KIAA0232: variants seen among roughly 807,000 people sequenced by gnomAD.
KIAA0232 encodes KIAA0232, also known as uncharacterized protein KIAA0232.
In KIAA0232, 27 loss-of-function variants were observed where a neutral mutation model predicts 122.0. The ratio of observed to expected loss-of-function variants is 0.22; its 90% CI spans 0.16 to 0.31. KIAA0232 has a LOEUF of 0.31. Ranked by LOEUF, KIAA0232 falls within the 10% of genes least tolerant of loss-of-function variation. The pLI is 1.00. For missense variants in KIAA0232, 1,551 were observed against 1,634.2 expected (o/e 0.95, Z 0.88); for synonymous variants, 613 against 587.6 (o/e 1.04, Z -0.63).
chr4:6,807,032 GTCTATCTATCTATCTATCTA>G (rs71173468), intron 2 of KIAA0232, among the ~76,000 whole-genome samples: 50 of 145,748 alleles, frequency 3.4e-4, no homozygotes, highest in Admixed American at 1.2e-3. Context: ...CTGTCTGTCT[GTCTATCTATCTATCTATCTA>G]TCTATCTATC....
At chr4:6,792,010 G>A (rs913015031) in intron 1 of KIAA0232, among the ~76,000 whole-genome samples, 4 of 152,202 alleles carry the variant, frequency 2.6e-5, no homozygotes, top group Middle Eastern at 3.4e-3. Context: ...CTCCTCTTTT[G>A]ACTGTCACCA....
intron 2 of KIAA0232, among the ~76,000 whole-genome samples, chr4:6,813,359 T>C (rs984571851): frequency 6.6e-6 from 1 of 151,798 alleles, no homozygotes; most frequent in Non-Finnish European, 1.5e-5. Context: ...CTGTTTTTTT[T>C]TTTTTGTTTT....
intron 3 of KIAA0232, among the ~76,000 whole-genome samples, chr4:6,828,672 A>G (rs1468851440): frequency 1.3e-5 from 2 of 152,194 alleles, no homozygotes; most frequent in Non-Finnish European, 2.9e-5. Context: ...GAAATATACA[A>G]TAAATATTAT....
At chr4:6,878,379 TCATACATACATA>T (rs112843703) in intron 9 of KIAA0232, among the ~76,000 whole-genome samples, 5 of 149,318 alleles carry the variant, frequency 3.3e-5, no homozygotes, top group East Asian at 3.9e-4. Flanking sequence ...CATCATTCAT[TCATACATACATA>T]CATACATACA....
intron 2 of KIAA0232, among the ~76,000 whole-genome samples, chr4:6,810,801 A>C (rs1366438282): frequency 6.6e-6 from 1 of 152,232 alleles, no homozygotes; most frequent in African/African-American, 2.4e-5. Context: ...AAAAGAAGAC[A>C]TACACATGGC....
Position 6,861,506 on chromosome 4 carries a change from G to T in KIAA0232, c.1124G>T (p.Arg375Ile), listed in dbSNP as rs1720865227. Residue 375 changes from arginine to isoleucine, a missense_variant, in exon 7 of 10, where the codon AGA becomes ATA. Physicochemically the swap from Arg to Ile is moderately conservative, Grantham distance 97. This residue lies in a region of KIAA0232 where 377 missense variants were observed against 381.7 expected (regional missense o/e 0.99). Coordinates refer to ENST00000307659, the MANE Select transcript of KIAA0232 (RefSeq NM_014743.3). ...AAGAGACCTTTAAAAGAAATAGGGA[G>T]AAAAGATCCTGGGAGCACTGAAGGA... ...RGKRPLKEIG[R>I]KDPGSTEGKD... 6.2e-7 allele frequency: 1 copy of T among 1,613,984 alleles called. No homozygotes were observed. Among genetic ancestry groups the T allele is most frequent in the Non-Finnish European group, 8.5e-7 (1 of 1,180,034 alleles).
Position 6,842,150 on chromosome 4 carries a change from A to G in KIAA0232, c.315A>G (p.Leu105=), listed in dbSNP as rs1365365671. 6.2e-7 allele frequency: 1 copy of G among 1,611,462 alleles called. No individual in the cohort carries two copies. The highest frequency in any genetic ancestry group is 1.7e-5 in the Admixed American group (1 of 59,284). Reference sequence around the variant, plus strand: ...AGAAAAAATGTTCAGATCTAACTCTAGAAGAAATGAAAAAACAGGCTGCTG... The same window carrying G: ...AGAAAAAATGTTCAGATCTAACTCTGGAAGAAATGAAAAAACAGGCTGCTG... ...KSKKKCSDLT[L]EEMKKQAAVQ... Residue 105 remains leucine (L), a synonymous_variant, in exon 4 of 10, where the codon CTA becomes CTG. Transcript: ENST00000307659.
chr4:6,877,622 G>A (rs1721827068), intron 9 of KIAA0232, among the ~76,000 whole-genome samples: 1 of 152,150 alleles, frequency 6.6e-6, no homozygotes, highest in Admixed American at 6.5e-5. Context: ...TCCGATGTTC[G>A]AGGGCAGGAA....
chr4:6,838,721 A>G (rs751433715), intron 3 of KIAA0232, among the ~76,000 whole-genome samples: 8 of 145,448 alleles, frequency 5.5e-5, no homozygotes, highest in Non-Finnish European at 1.0e-4. Flanking sequence ...TGTACTTTCA[A>G]AGCAGCTTTT....
In KIAA0232 at chr4:6,837,610, C is replaced by G. The variant is rs550167499; in HGVS notation, c.232-4457C>G. Among the ~76,000 whole-genome samples, 16 of 152,324 alleles carry G rather than the reference C, an allele frequency of 1.1e-4. No individual in the cohort carries two copies. The East Asian group carries it at 1.9e-3, about 18-fold the overall frequency. On this transcript the variant is annotated intron_variant, in intron 3 of 9. Coordinates refer to ENST00000307659, the MANE Select transcript of KIAA0232 (RefSeq NM_014743.3). ...CGAGCCGAGATCACGCCACTGCATT[C>G]CAGCCTGGGCAACATTGAGCACTGA...
intron 7 of KIAA0232, among the ~76,000 whole-genome samples, chr4:6,869,566 C>T (rs911386588): frequency 2.0e-5 from 3 of 152,224 alleles, no homozygotes; most frequent in Non-Finnish European, 4.4e-5. Flanking sequence ...TCCCCTGGCC[C>T]TAGCATCTGT....
chr4:6,839,916 G>A, intron 3 of KIAA0232, among the ~76,000 whole-genome samples: 1 of 152,116 alleles, frequency 6.6e-6, no homozygotes, highest in East Asian at 1.9e-4. Context: ...GATTGGAGCG[G>A]CTCATTTTTT....
rs1720856604 is a variant in KIAA0232, at chr4:6,861,431, G to A, written c.1049G>A (p.Ser350Asn). The change falls in exon 7 of 10, where the codon AGT (serine) becomes AAT (asparagine). Residue 350 changes from serine (S) to asparagine (N), a missense_variant. By Grantham distance (46) the Ser-to-Asn change is conservative. Transcript: ENST00000307659. ...EKAERNIHTGSSSSSSSGSVK... is the reference protein window; with the variant it reads ...EKAERNIHTGNSSSSSSGSVK... Reference sequence around the variant, plus strand: ...GCTGAAAGGAACATTCATACTGGAAGTAGTAGCAGTAGCAGCAGTGGTTCT... The same window carrying A: ...GCTGAAAGGAACATTCATACTGGAAATAGTAGCAGTAGCAGCAGTGGTTCT... 6.2e-7 allele frequency: 1 copy of A among 1,614,214 alleles called. No individual in the cohort carries two copies.
At chr4:6,859,306 CATTTT>C (rs1206588027) in intron 6 of KIAA0232, among the ~76,000 whole-genome samples, 2 of 152,018 alleles carry the variant, frequency 1.3e-5, no homozygotes, top group African/African-American at 4.8e-5. Flanking sequence ...CCCTATTATA[CATTTT>C]ATTTTAATCT....
intron 2 of KIAA0232, among the ~76,000 whole-genome samples, chr4:6,821,075 C>T (rs1718400382): frequency 6.6e-6 from 1 of 152,194 alleles, no homozygotes; most frequent in Admixed American, 6.5e-5. Flanking sequence ...TTAATACCAT[C>T]ACAATGGCAG....
intron 1 of KIAA0232, among the ~76,000 whole-genome samples, chr4:6,786,824 A>G (rs2108851593): frequency 6.6e-6 from 1 of 152,350 alleles, no homozygotes; most frequent in South Asian, 2.1e-4. Flanking sequence ...AAGTGCCTGC[A>G]TTGCTGACTG....
rs1163905673 is a variant in KIAA0232, at chr4:6,830,031, ATTATTC to A, written c.231+5353_231+5358del. 7.2e-5 allele frequency among the ~76,000 whole-genome samples: 11 copies of A among 152,250 alleles called. No individual in the cohort carries two copies. In the East Asian group the frequency reaches 1.7e-3, roughly 24 times the overall value. On this transcript the variant is annotated intron_variant, in intron 3 of 9. Transcript: ENST00000307659. ...TCTCAGCATAATGCATTCTTTGTTT[ATTATTC>A]TTATTAGGAGTCTGTGATGATAACA...
At chr4:6,849,818 A>G (rs550276701) in intron 4 of KIAA0232, among the ~76,000 whole-genome samples, 2 of 152,208 alleles carry the variant, frequency 1.3e-5, no homozygotes, top group Admixed American at 6.5e-5. Context: ...AACCTAAGGA[A>G]GGAACATCTT....
chr4:6,849,059 A>G (rs1720129499), intron 4 of KIAA0232, among the ~76,000 whole-genome samples: 1 of 152,164 alleles, frequency 6.6e-6, no homozygotes, highest in Non-Finnish European at 1.5e-5. Flanking sequence ...GAGTAGTGCA[A>G]CCTGACTTAC....
Sources: allele counts gnomAD v4.1 joint callset (sites outside exome capture counted in the v4.1 genomes callset), GRCh38; gene constraint gnomAD v4.1.1; regional missense constraint gnomAD v4.1.1; transcripts MANE v1.5; gene names NCBI Gene and HGNC (gene_info 2026-07-23, HGNC 2026-07-21).